Variants in CACNA1C observed in about 807,000 individuals in gnomAD.
CACNA1C encodes the protein calcium voltage-gated channel subunit alpha1 C.
In CACNA1C, 30 loss-of-function variants were observed where a neutral mutation model predicts 229.0. The observed-to-expected ratio is 0.13, with a 90% CI of 0.10 to 0.18. The LOEUF (loss-of-function observed/expected upper bound fraction) is 0.18, where lower values mean the gene tolerates loss of function less well. Ranked by LOEUF, CACNA1C falls within the 10% of genes least tolerant of loss-of-function variation. The pLI is 1.00. For synonymous variants in CACNA1C, 1,114 were observed against 1,132.5 expected (o/e 0.98, Z 0.33); for missense variants, 1,658 against 2,845.0 (o/e 0.58, Z 9.49).
intron 1 of CACNA1C, among the ~76,000 whole-genome samples, chr12:2,026,261 T>A (rs192132947): frequency 6.6e-6 from 1 of 152,354 alleles, no homozygotes; most frequent in East Asian, 1.9e-4. Flanking sequence ...TTGGGCAAGA[T>A]GGGCAAGTAC....
rs1555193566 is a variant in CACNA1C, at chr12:2,115,543, G to A, written c.369G>A (p.Trp123Ter). ...IRRACISIVE[W>*]KPFEIIILLT... is the part of the protein sequence containing the mutation. ...GGGCCTGCATCAGCATTGTCGAATGGAAATATCCTTTGTTCACCGGGCTGG... is the reference window on the plus strand; with the variant it reads ...GGGCCTGCATCAGCATTGTCGAATGAAAATATCCTTTGTTCACCGGGCTGG... The change falls in exon 2 of 47, where the codon TGG becomes TGA. Residue 123 changes from tryptophan (W) to a stop codon, truncating the protein, a stop_gained and splice_region_variant. Coordinates refer to ENST00000399655, the MANE Select transcript of CACNA1C (RefSeq NM_000719.7). LOFTEE classifies it high-confidence loss of function. The A allele has an allele frequency of 6.2e-7, 1 of 1,613,126 alleles. No individual in the cohort carries two copies.
In CACNA1C at chr12:2,226,167, A is replaced by G. The variant is rs1047727276; in HGVS notation, c.477+105737A>G. On this transcript the variant is annotated intron_variant, in intron 3 of 46. Coordinates refer to ENST00000399655, the MANE Select transcript of CACNA1C (RefSeq NM_000719.7). ...CACACACACACACACACACACACAC[A>G]CACACAGTTTTCTTCATACAGGGGT... Among the ~76,000 whole-genome samples, 6 of 137,288 alleles carry G rather than the reference A, an allele frequency of 4.4e-5. No individual in the cohort carries two copies. In the South Asian group the frequency reaches 9.4e-4, roughly 22 times the overall value. The allele number at this position is 137,288 out of a possible 152,430, so 90.1% of individuals were successfully genotyped here.
intron 3 of CACNA1C, among the ~76,000 whole-genome samples, chr12:2,168,094 G>T (rs908077819): frequency 8.5e-5 from 13 of 152,154 alleles, no homozygotes; most frequent in Non-Finnish European, 1.8e-4. Context: ...GTGTGCATGC[G>T]TGTGTTACAG....
rs1013142702 is a variant in CACNA1C at position 2,410,584 on chromosome 12, G to A, written c.478-38392G>A. 5.3e-5 allele frequency among the ~76,000 whole-genome samples: 8 copies of A among 152,026 alleles called. No homozygotes were observed. Among genetic ancestry groups the A allele is most frequent in the African/African-American group, 1.7e-4 (7 of 41,370 alleles). On this transcript the variant is annotated intron_variant, in intron 3 of 46. Coordinates refer to ENST00000399655, the MANE Select transcript of CACNA1C (RefSeq NM_000719.7). The surrounding 1 kb of genome is among the most constrained non-coding windows in gnomAD (Gnocchi z 5.3). The stretch of plus-strand genomic sequence containing the variant: ...ACCCTGTGCATGTGCGTGTGCATGC[G>A]TGTGTGTGTTCCAGGAGCTGACTCT...
intron 18 of CACNA1C, among the ~76,000 whole-genome samples, chr12:2,590,957 G>T (rs146280892): frequency 1.3e-5 from 2 of 152,040 alleles, no homozygotes; most frequent in African/African-American, 4.8e-5. Context: ...TTACTTATTC[G>T]ACTTTAAGTA....
At chr12:2,140,554 T>C (rs1422585685) in intron 3 of CACNA1C, among the ~76,000 whole-genome samples, 1 of 151,352 alleles carries the variant, frequency 6.6e-6, no homozygotes, top group South Asian at 2.1e-4. Context: ...CTGAGTGACC[T>C]TGGGCAAATG....
chr12:2,350,943 T>C (rs1190577490), intron 3 of CACNA1C, among the ~76,000 whole-genome samples: 2 of 152,192 alleles, frequency 1.3e-5, no homozygotes, highest in Non-Finnish European at 2.9e-5. Flanking sequence ...TCCATCTAGT[T>C]GATAGAAAGT....
chr12:2,360,156 A>ACC (rs796441635), intron 3 of CACNA1C, among the ~76,000 whole-genome samples: 81 of 57,064 alleles, frequency 1.4e-3, no homozygotes, highest in South Asian at 5.2e-3. Flanking sequence ...AACACACCCC[A>ACC]CCCCCCCCCA....
At position 2,595,801 on chromosome 12, in the gene CACNA1C, C is replaced by A; in HGVS notation, c.2664-73C>A. ...TGCTGGGGAGAGCTGAGGAGAGGGG[C>A]TCCCAAGAGCCGACTGGTGCTTCCC... On this transcript the variant is annotated intron_variant, in intron 19 of 46. Transcript: ENST00000399655. The surrounding 1 kb of genome is among the most constrained non-coding windows in gnomAD (Gnocchi z 4.1). 1.4e-6 allele frequency: 2 copies of A among 1,476,438 alleles called. No individual in the cohort carries two copies. The highest frequency in any genetic ancestry group is 1.9e-6 in the Non-Finnish European group (2 of 1,076,440). The allele number at this position is 1,476,438 out of a possible 1,614,324, so 91.5% of individuals were successfully genotyped here. A position where few individuals can be genotyped will look rare whatever the true frequency, so the allele number is the denominator to read the frequency against.
At chr12:2,609,568 G>A (rs926803434) in intron 27 of CACNA1C, among the ~76,000 whole-genome samples, 2 of 149,200 alleles carry the variant, frequency 1.3e-5, no homozygotes, top group African/African-American at 5.0e-5. Flanking sequence ...ATTAGACCCC[G>A]ATCTAGTATC....
chr12:2,231,360 G>C (rs910576383), intron 3 of CACNA1C, among the ~76,000 whole-genome samples: 13 of 152,192 alleles, frequency 8.5e-5, no homozygotes, highest in African/African-American at 2.9e-4. Flanking sequence ...ATTCCGTTCT[G>C]AAAACAATGA....
chr12:2,209,023 C>T (rs968223876), intron 3 of CACNA1C, among the ~76,000 whole-genome samples: 14 of 152,152 alleles, frequency 9.2e-5, no homozygotes, highest in African/African-American at 2.7e-4. Context: ...AGCTGAGGGC[C>T]GCAGAGCCCC....
At chr12:2,591,922 T>A (rs2065555160) in intron 18 of CACNA1C, among the ~76,000 whole-genome samples, 1 of 152,218 alleles carries the variant, frequency 6.6e-6, no homozygotes, top group Admixed American at 6.5e-5. Context: ...TGTCTTCACA[T>A]GGCCTTCTTC....
intron 1 of CACNA1C, among the ~76,000 whole-genome samples, chr12:2,019,572 AAAGAAAG>A (rs2046046434): frequency 2.5e-5 from 3 of 119,238 alleles, no homozygotes; most frequent in African/African-American, 7.5e-5. Flanking sequence ...GAAGGAAAGA[AAAGAAAG>A]AGAGAGAGAA....
chr12:2,652,901 G>A (rs758955654), intron 32 of CACNA1C, among the ~76,000 whole-genome samples: 16 of 123,770 alleles, frequency 1.3e-4, no homozygotes, highest in Admixed American at 4.3e-4. Flanking sequence ...CTGCCCCCCC[G>A]ACATCTCCTG....
intron 3 of CACNA1C, among the ~76,000 whole-genome samples, chr12:2,184,840 C>T (rs7303140): frequency 0.09 from 13,670 of 152,180 alleles, 1,770 homozygotes; most frequent in African/African-American, 0.29. Flanking sequence ...ATCCCACTTC[C>T]GCTATCCCCA....
intron 9 of CACNA1C, among the ~76,000 whole-genome samples, chr12:2,536,648 G>A (rs2099856318): frequency 1.3e-5 from 2 of 152,082 alleles, no homozygotes; most frequent in Non-Finnish European, 2.9e-5. Context: ...GGGCAACATA[G>A]TGAGACCTTG....
rs904212092 is a variant in CACNA1C at position 2,346,258 on chromosome 12, T to C, written c.478-102718T>C. Reference sequence around the variant, plus strand: ...GTCTGTGTGTGTCTCTGTCTGTGCATCTCTCGTATGTGCCTGTGTCTCTAT... The same window carrying C: ...GTCTGTGTGTGTCTCTGTCTGTGCACCTCTCGTATGTGCCTGTGTCTCTAT... On this transcript the variant is annotated intron_variant, in intron 3 of 46. Transcript: ENST00000399655. The surrounding 1 kb of genome is among the most constrained non-coding windows in gnomAD (Gnocchi z 4.4). Among the ~76,000 whole-genome samples the C allele has an allele frequency of 1.3e-5, 2 of 152,000 alleles. No individual in the cohort carries two copies.
intron 1 of CACNA1C, chr12:1,993,000 T>C: frequency 1.6e-6 from 1 of 624,806 alleles, no homozygotes; most frequent in Non-Finnish European, 2.8e-6. Flanking sequence ...AGATCAGCAA[T>C]GGGTTCACAC....
Sources: allele counts gnomAD v4.1 joint callset (sites outside exome capture counted in the v4.1 genomes callset), GRCh38; gene constraint gnomAD v4.1.1; non-coding constraint Gnocchi (gnomAD v3.1); transcripts MANE v1.5; gene names NCBI Gene and HGNC (gene_info 2026-07-23, HGNC 2026-07-21).